The following MIER1 variants were observed in gnomAD, a reference collection of about 807,000 sequenced individuals.
MIER1 encodes the protein MIER1 transcriptional regulator.
A neutral mutation model predicts 75.7 loss-of-function variants in MIER1; 40 were observed. The ratio of observed to expected loss-of-function variants is 0.53; its 90% CI spans 0.41 to 0.69. The LOEUF (loss-of-function observed/expected upper bound fraction) is 0.69, where lower values mean the gene tolerates loss of function less well. Ranked by LOEUF, MIER1 falls within the 30% of genes least tolerant of loss-of-function variation. The pLI, the probability that MIER1 is intolerant of heterozygous loss-of-function variation, is 0.00. For missense variants in MIER1, 574 were observed against 680.2 expected, an observed-to-expected ratio of 0.84 and a Z score of 1.74; for synonymous variants, 213 against 223.4, an observed-to-expected ratio of 0.95 and a Z score of 0.42.
At chr1:66,973,712 A>G (rs1053544813) in intron 11 of MIER1, among the ~76,000 whole-genome samples, 13 of 152,160 alleles carry the variant, frequency 8.5e-5, no homozygotes, top group African/African-American at 3.1e-4. Flanking sequence ...TGAGCAACAC[A>G]TTAGGACAAC....
chr1:66,979,081 G>A (rs147955150), intron 12 of MIER1, among the ~76,000 whole-genome samples: 1 of 151,876 alleles, frequency 6.6e-6, no homozygotes, highest in Non-Finnish European at 1.5e-5. Flanking sequence ...GGCTTCAGTT[G>A]TAGCCCCACT....
At chr1:66,951,577 T>A (rs1658959168) in intron 4 of MIER1, among the ~76,000 whole-genome samples, 1 of 152,178 alleles carries the variant, frequency 6.6e-6, no homozygotes, top group Admixed American at 6.5e-5. Context: ...TTCCTGTTTT[T>A]TTTTTTTAAG....
At chr1:66,940,271 T>A (rs12749391) in intron 3 of MIER1, 36 of 10,974 alleles carry the variant, frequency 3.3e-3, no homozygotes, top group Middle Eastern at 0.036. Context: ...TTGGGTTTTC[T>A]TTTTTTTTTT....
At position 66,958,216 on chromosome 1, in the gene MIER1, A is replaced by T; in HGVS notation, c.497A>T (p.Asn166Ile). The change falls in exon 5 of 14, where the codon AAT (asparagine) becomes ATT (isoleucine). Residue 166 changes from asparagine (N) to isoleucine (I), a missense_variant. Asn to Ile is a moderately radical substitution (Grantham distance 149, BLOSUM62 -3). Coordinates refer to ENST00000401041, the MANE Select transcript of MIER1 (RefSeq NM_001077700.3). ...GACAACAGTGGCTGTAGTGGGGAAA[A>T]TAAAGTAAGTCTATATACATATATT... ...NDDNSGCSGE[N>I]KEENIKDSSG... 6.3e-7 allele frequency: 1 copy of T among 1,598,574 alleles called. No homozygotes were observed. Among genetic ancestry groups the T allele is most frequent in the Non-Finnish European group, 8.6e-7 (1 of 1,166,702 alleles).
rs1269930525 is a variant in MIER1, at chr1:66,948,022, C to T, written c.339+1727C>T. On this transcript the variant is annotated intron_variant, in intron 4 of 13. Coordinates refer to ENST00000401041, the MANE Select transcript of MIER1 (RefSeq NM_001077700.3). ...TGTTTTATTTTTATTTTTTTTTAACCACTGTCCCCTATTCAATGCTTTCTT... is the reference window on the plus strand; with the variant it reads ...TGTTTTATTTTTATTTTTTTTTAACTACTGTCCCCTATTCAATGCTTTCTT... The T allele has an allele frequency of 9.2e-6, 9 of 980,684 alleles. No individual in the cohort carries two copies. In the South Asian group the frequency reaches 2.8e-4, roughly 31 times the overall value. The allele number at this position is 980,684 out of a possible 1,614,324, so 60.7% of individuals were successfully genotyped here. A position where few individuals can be genotyped will look rare whatever the true frequency, so the allele number is the denominator to read the frequency against.
chr1:66,925,718 G>A (rs909187032), intron 1 of MIER1, among the ~76,000 whole-genome samples: 1 of 152,316 alleles, frequency 6.6e-6, no homozygotes, highest in Admixed American at 6.5e-5. Context: ...CCCTGGCCTG[G>A]AGCCTATCTG....
At chr1:66,946,552 G>A (rs41286730) in intron 4 of MIER1, 69,923 of 1,128,546 alleles carry the variant, frequency 0.062, 2,480 homozygotes, top group African/African-American at 0.14. Context: ...TGCTATAAAG[G>A]TCTGGTCAAA....
intron 2 of MIER1, among the ~76,000 whole-genome samples, chr1:66,928,541 T>A (rs1157026077): frequency 6.6e-6 from 1 of 152,192 alleles, no homozygotes; most frequent in African/African-American, 2.4e-5. Flanking sequence ...GGCCCCTAAT[T>A]GTGTCTGTAC....
intron 12 of MIER1, among the ~76,000 whole-genome samples, chr1:66,977,683 A>G (rs530030369): frequency 3.1e-4 from 47 of 152,314 alleles, no homozygotes; most frequent in Admixed American, 2.0e-3. Flanking sequence ...TTTGTTACTT[A>G]AACAGAAAAG....
At chr1:66,935,122 T>A (rs941347620) in intron 2 of MIER1, among the ~76,000 whole-genome samples, 2 of 151,840 alleles carry the variant, frequency 1.3e-5, no homozygotes, top group Non-Finnish European at 2.9e-5. Flanking sequence ...GTTGTTAGGG[T>A]TTTTTTGGTG....
Position 66,958,904 on chromosome 1 carries a change from T to A in MIER1, c.555T>A (p.Asn185Lys). 6.2e-7 allele frequency: 1 copy of A among 1,611,736 alleles called. No homozygotes were observed. Among genetic ancestry groups the A allele is most frequent in the Non-Finnish European group, 8.5e-7 (1 of 1,178,058 alleles). The stretch of plus-strand genomic sequence containing the variant: ...AGGAGGATGAAACTCAGTCTTCCAA[T>A]GATGATCCATCACAATCTGTTGCTT... Reference protein sequence around the residue: ...SGQEDETQSSNDDPSQSVASQ... With the variant: ...SGQEDETQSSKDDPSQSVASQ... The change falls in exon 6 of 14, where the codon AAT (asparagine) becomes AAA (lysine). Residue 185 changes from asparagine to lysine, a missense_variant. By Grantham distance (94) the Asn-to-Lys change is moderately conservative. Around this residue, in one of 3 missense-constraint regions of MIER1, gnomAD observed 309 missense variants for 352.8 expected, o/e 0.88. Transcript: ENST00000401041.
chr1:66,972,913 G>C lies in MIER1; in HGVS notation c.1023G>C (p.Trp341Cys). ...TCTTGTCAGAGGAATTATCTGTTTG[G>C]ACAGAGGAAGAGTGTAGAAATTTTG... ...VKAAREELSV[W>C]TEEECRNFEQ... The change falls in exon 11 of 14, where the codon TGG (tryptophan) becomes TGC (cysteine). Residue 341 changes from tryptophan to cysteine, a missense_variant. Coordinates refer to ENST00000401041, the MANE Select transcript of MIER1 (RefSeq NM_001077700.3). 1 of 1,596,082 alleles carries C rather than the reference G, an allele frequency of 6.3e-7. No individual in the cohort carries two copies. Among genetic ancestry groups the C allele is most frequent in the Non-Finnish European group, 8.6e-7 (1 of 1,164,356 alleles).
intron 11 of MIER1, among the ~76,000 whole-genome samples, 166 bp from the exon 12 acceptor site, chr1:66,976,429 T>C (rs1664743276): frequency 6.6e-6 from 1 of 152,238 alleles, no homozygotes; most frequent in African/African-American, 2.4e-5. Flanking sequence ...TTAATAGATG[T>C]TTAGAAAGAA....
chr1:66,958,062 G>A lies in MIER1; in HGVS notation c.343G>A (p.Gly115Ser). The A allele has an allele frequency of 6.4e-7, 1 of 1,573,930 alleles. No individual in the cohort carries two copies. Among genetic ancestry groups the A allele is most frequent in the Non-Finnish European group, 8.6e-7 (1 of 1,158,398 alleles). ...CCTTTTATTTTGATTTATTTAGGAAGGCGACATGCCAATTCATGAACTTCT... is the reference window on the plus strand; with the variant it reads ...CCTTTTATTTTGATTTATTTAGGAAAGCGACATGCCAATTCATGAACTTCT... The part of the protein sequence containing the change: ...SSEIEDLARE[G>S]DMPIHELLSL... The change falls in exon 5 of 14, where the codon GGC becomes AGC. Residue 115 changes from glycine to serine, a missense_variant. By Grantham distance (56) the Gly-to-Ser change is moderately conservative. This residue lies in a region of MIER1 where 309 missense variants were observed against 352.8 expected (regional missense o/e 0.88). Coordinates refer to ENST00000401041, the MANE Select transcript of MIER1 (RefSeq NM_001077700.3).
intron 4 of MIER1, chr1:66,948,045 C>A: frequency 1.0e-6 from 1 of 975,560 alleles, no homozygotes; most frequent in Non-Finnish European, 1.2e-6. Flanking sequence ...TCAATGCTTT[C>A]TTTAGTGTTA....
Position 66,942,000 on chromosome 1 carries a change from G to A in MIER1, c.193+1948G>A, listed in dbSNP as rs376339769. 1.2e-4 allele frequency among the ~76,000 whole-genome samples: 18 copies of A among 148,938 alleles called. 1 individual carries two copies. The South Asian group carries it at 3.4e-3, about 28-fold the overall frequency. ...AAAAAAAAAAAAACAGTCTTTGATA[G>A]CTTTGCTACTTGTTGAATACTTAAC... On this transcript the variant is annotated intron_variant, in intron 3 of 13. Coordinates refer to ENST00000401041, the MANE Select transcript of MIER1 (RefSeq NM_001077700.3).
intron 3 of MIER1, among the ~76,000 whole-genome samples, chr1:66,945,017 A>G (rs1356303796): frequency 6.6e-6 from 1 of 152,094 alleles, no homozygotes. Flanking sequence ...GAGCAACTAC[A>G]TCCAGCCACT....
At chr1:66,930,146 C>T in intron 2 of MIER1, 1 of 1,174,314 alleles carries the variant, frequency 8.5e-7, no homozygotes, top group Non-Finnish European at 1.1e-6. Flanking sequence ...CGCGCGCGCG[C>T]CCCTGCTCCG....
intron 4 of MIER1, among the ~76,000 whole-genome samples, chr1:66,953,922 A>T (rs1659551748): frequency 6.6e-6 from 1 of 152,112 alleles, no homozygotes; most frequent in Admixed American, 6.6e-5. Context: ...CATTTTCTTG[A>T]TTGAATAAGT....
Sources: allele counts gnomAD v4.1 joint callset (sites outside exome capture counted in the v4.1 genomes callset), GRCh38; gene constraint gnomAD v4.1.1; regional missense constraint gnomAD v4.1.1; transcripts MANE v1.5; gene names NCBI Gene and HGNC (gene_info 2026-07-23, HGNC 2026-07-21).